Variants in CLSTN2 observed in about 807,000 individuals in gnomAD.
CLSTN2 encodes the protein calsyntenin-2.
Under a neutral mutation model 101.2 loss-of-function variants are expected in CLSTN2, and 48 were observed. The observed-to-expected ratio is 0.47, with a 90% CI of 0.38 to 0.60. The LOEUF is 0.60. Ranked by LOEUF, CLSTN2 falls within the 20% of genes least tolerant of loss-of-function variation. The pLI, the probability that CLSTN2 is intolerant of heterozygous loss-of-function variation, is 0.00. For synonymous variants in CLSTN2, 481 were observed against 463.6 expected, an observed-to-expected ratio of 1.04 and a Z score of -0.48; for missense variants, 1,160 against 1,238.2, an observed-to-expected ratio of 0.94 and a Z score of 0.95.
chr3:140,082,374 A>T (rs1246927655), intron 1 of CLSTN2, among the ~76,000 whole-genome samples: 1 of 152,094 alleles, frequency 6.6e-6, no homozygotes, highest in Non-Finnish European at 1.5e-5. Flanking sequence ...CTTGGGGTTT[A>T]TCTATTAAGA....
rs150311202 is a variant in CLSTN2, at chr3:140,237,762, T to C, written c.232+61689T>C. Among the ~76,000 whole-genome samples, 404 of 152,332 alleles carry C rather than the reference T, an allele frequency of 2.7e-3. 1 individual carries two copies. The highest frequency in any genetic ancestry group is 9.0e-3 in the African/African-American group (375 of 41,590). ...ATACATTTTTGCAGTGTTCTGTTTT[T>C]TTAAGGCAGAAAGCTTCTATTATTT... On this transcript the variant is annotated intron_variant, in intron 2 of 16. Coordinates refer to ENST00000458420, the MANE Select transcript of CLSTN2 (RefSeq NM_022131.3).
In CLSTN2 at chr3:140,568,572, C is replaced by G. The variant is rs890064290; in HGVS notation, c.*2319C>G. 2.0e-5 allele frequency: 3 copies of G among 152,174 alleles called. No individual in the cohort carries two copies. Among genetic ancestry groups the G allele is most frequent in the Admixed American group, 6.5e-5 (1 of 15,278 alleles). The allele number at this position is 152,174 out of a possible 1,614,324, so 9.4% of individuals were successfully genotyped here. On this transcript the variant is annotated 3_prime_UTR_variant, in exon 17 of 17. Coordinates refer to ENST00000458420, the MANE Select transcript of CLSTN2 (RefSeq NM_022131.3). ...AATCCCATTTAAATAAAAAAAAGAT[C>G]TTTAGTTGGGCATTTAGGAGCAACT... is the stretch of plus-strand genomic sequence containing the variant.
intron 1 of CLSTN2, among the ~76,000 whole-genome samples, chr3:140,171,843 T>C (rs1282827349): frequency 8.6e-6 from 1 of 116,392 alleles, no homozygotes; most frequent in Non-Finnish European, 1.7e-5. Context: ...CAATATATAA[T>C]ATAATATATA....
At chr3:140,068,961 A>G (rs937141728) in intron 1 of CLSTN2, among the ~76,000 whole-genome samples, 1 of 152,232 alleles carries the variant, frequency 6.6e-6, no homozygotes, top group Admixed American at 6.5e-5. Flanking sequence ...ATAATAATAG[A>G]ATCTCTCTCA....
chr3:140,157,189 A>G (rs2009968933), intron 1 of CLSTN2, among the ~76,000 whole-genome samples: 1 of 143,670 alleles, frequency 7.0e-6, no homozygotes, highest in Non-Finnish European at 1.5e-5. Context: ...TAGTGGAGAT[A>G]TTGGCCTAAA....
intron 4 of CLSTN2, among the ~76,000 whole-genome samples, chr3:140,409,573 T>G (rs1177464374): frequency 1.3e-5 from 2 of 152,148 alleles, no homozygotes; most frequent in African/African-American, 4.8e-5. Flanking sequence ...TGAATCCAGT[T>G]CATAAAGTCT....
chr3:140,270,250 A>C (rs183282910), intron 2 of CLSTN2, among the ~76,000 whole-genome samples: 2 of 152,260 alleles, frequency 1.3e-5, no homozygotes, highest in East Asian at 3.9e-4. Context: ...GGAGATGTAC[A>C]CTCAAAGAAG....
intron 6 of CLSTN2, among the ~76,000 whole-genome samples, chr3:140,458,085 T>C (rs1308645363): frequency 1.3e-5 from 2 of 152,036 alleles, no homozygotes; most frequent in African/African-American, 2.4e-5. Flanking sequence ...ACTGGCTGAG[T>C]TGAACATTTT....
rs372929645 is a variant in CLSTN2 at position 139,985,297 on chromosome 3, C to T, written c.109+49814C>T. ...GAGTGGGGGTGGACCGAGTCTAGTA[C>T]GAAGTGAAAAACTGGAGAGTTGGCC... On this transcript the variant is annotated intron_variant, in intron 1 of 16. Transcript: ENST00000458420. Among the ~76,000 whole-genome samples, 20 of 152,168 alleles carry T rather than the reference C, an allele frequency of 1.3e-4. No individual in the cohort carries two copies. In the South Asian group the frequency reaches 2.3e-3, roughly 17 times the overall value.
intron 1 of CLSTN2, among the ~76,000 whole-genome samples, chr3:140,151,014 A>G (rs180895332): frequency 5.9e-5 from 9 of 151,914 alleles, no homozygotes; most frequent in African/African-American, 2.2e-4. Flanking sequence ...CTGATGTTGG[A>G]TTGTGATCTT....
At chr3:140,067,854 A>G (rs569351995) in intron 1 of CLSTN2, among the ~76,000 whole-genome samples, 1 of 152,290 alleles carries the variant, frequency 6.6e-6, no homozygotes, top group African/African-American at 2.4e-5. Context: ...TGCCTTCCTA[A>G]AAAGGACTAA....
chr3:139,998,336 C>CTTTTTT (rs60541490), intron 1 of CLSTN2, among the ~76,000 whole-genome samples: 11,407 of 66,392 alleles, frequency 0.17, 2,255 homozygotes, highest in Admixed American at 0.31. Flanking sequence ...CCCCACATGC[C>CTTTTTT]TTTTTTTTTT....
chr3:140,430,190 CTCTT>C (rs535965077), intron 5 of CLSTN2, among the ~76,000 whole-genome samples: 148 of 152,280 alleles, frequency 9.7e-4, no homozygotes, highest in African/African-American at 3.4e-3. Flanking sequence ...CCTCAGTTCT[CTCTT>C]TTACTGTCCT....
chr3:140,372,402 T>C (rs186741151), intron 2 of CLSTN2, among the ~76,000 whole-genome samples: 2 of 152,314 alleles, frequency 1.3e-5, no homozygotes, highest in Admixed American at 1.3e-4. Flanking sequence ...ACCTTCCTGG[T>C]TAGGTATTTC....
intron 8 of CLSTN2, among the ~76,000 whole-genome samples, chr3:140,514,851 G>T (rs1022686589): frequency 3.3e-5 from 5 of 152,048 alleles, no homozygotes; most frequent in Non-Finnish European, 7.4e-5. Flanking sequence ...AGGTGGAATT[G>T]CATGGTGGTT....
intron 1 of CLSTN2, among the ~76,000 whole-genome samples, chr3:139,949,900 A>G (rs1034547137): frequency 5.9e-5 from 9 of 152,212 alleles, no homozygotes; most frequent in Admixed American, 4.6e-4. Flanking sequence ...TTTTCCAAAC[A>G]GGTCATTAAA....
intron 2 of CLSTN2, among the ~76,000 whole-genome samples, chr3:140,274,657 A>G (rs2086777523): frequency 1.3e-5 from 2 of 152,130 alleles, no homozygotes; most frequent in African/African-American, 2.4e-5. Flanking sequence ...TGTAAGTAGC[A>G]TCTTGAGAGA....
At chr3:140,157,819 C>CA (rs1470988931) in intron 1 of CLSTN2, among the ~76,000 whole-genome samples, 1 of 152,130 alleles carries the variant, frequency 6.6e-6, no homozygotes, top group Non-Finnish European at 1.5e-5. Flanking sequence ...ACACCATGAT[C>CA]AAGTAAGCTT....
intron 8 of CLSTN2, among the ~76,000 whole-genome samples, chr3:140,473,674 T>G (rs983668332): frequency 3.9e-5 from 6 of 152,078 alleles, no homozygotes; most frequent in Non-Finnish European, 7.4e-5. Context: ...TCCATTTTAG[T>G]CCAGTGACAT....
Sources: allele counts gnomAD v4.1 joint callset (sites outside exome capture counted in the v4.1 genomes callset), GRCh38; gene constraint gnomAD v4.1.1; transcripts MANE v1.5; gene names NCBI Gene and HGNC (gene_info 2026-07-23, HGNC 2026-07-21).